The following PKD2L1 variants were observed in gnomAD, a reference collection of about 807,000 sequenced individuals.
PKD2L1 encodes the protein polycystin-2-like protein 1.
In PKD2L1, 77 loss-of-function variants were observed where a neutral mutation model predicts 93.0. The observed-to-expected ratio is 0.83, with a 90% CI of 0.69 to 1.00. PKD2L1 has a LOEUF of 1.00. PKD2L1 is among the 50% of genes least tolerant of loss of function. The pLI is 0.00. For missense variants in PKD2L1, 977 were observed against 990.9 expected, an observed-to-expected ratio of 0.99 and a Z score of 0.19; for synonymous variants, 390 against 388.0, an observed-to-expected ratio of 1.01 and a Z score of -0.06.
intron 2 of PKD2L1, among the ~76,000 whole-genome samples, chr10:100,318,927 C>A (rs1185592423): frequency 6.6e-6 from 1 of 151,014 alleles, no homozygotes; most frequent in Non-Finnish European, 1.5e-5. Flanking sequence ...CTCACTGCAA[C>A]CTCCACCTCT....
intron 2 of PKD2L1, among the ~76,000 whole-genome samples, chr10:100,314,169 A>C (rs985782880): frequency 6.6e-6 from 1 of 152,196 alleles, no homozygotes; most frequent in Non-Finnish European, 1.5e-5. Context: ...TTGGAAGGGT[A>C]TGAAATTCCT....
At chr10:100,311,952 G>A (rs990539094) in intron 2 of PKD2L1, among the ~76,000 whole-genome samples, 1 of 151,966 alleles carries the variant, frequency 6.6e-6, no homozygotes, top group Non-Finnish European at 1.5e-5. Flanking sequence ...TAGAAATCTG[G>A]GGATGTCTTC....
At chr10:100,294,755 C>T (rs1848486206) in intron 8 of PKD2L1, 100 bp from the exon 9 acceptor site, 10 of 1,515,268 alleles carry the variant, frequency 6.6e-6, no homozygotes, top group Non-Finnish European at 9.1e-6. Context: ...TCACCCCAAT[C>T]TGATAGACAC....
chr10:100,306,171 A>G (rs1216848703), intron 2 of PKD2L1, among the ~76,000 whole-genome samples: 2 of 152,194 alleles, frequency 1.3e-5, no homozygotes. Context: ...ATGGATTGCT[A>G]TAGGTTTAGG....
chr10:100,305,123 T>C (rs927833395), intron 2 of PKD2L1, among the ~76,000 whole-genome samples: 1 of 151,696 alleles, frequency 6.6e-6, no homozygotes, highest in South Asian at 2.1e-4. Context: ...TCTTTTTTTT[T>C]TTTTTTGAGA....
intron 11 of PKD2L1, among the ~76,000 whole-genome samples, chr10:100,292,697 A>G (rs1176301550): frequency 6.6e-6 from 1 of 152,150 alleles, no homozygotes; most frequent in Non-Finnish European, 1.5e-5. Flanking sequence ...TGATTAGGGA[A>G]TTATTACATT....
chr10:100,296,285 A>G lies in PKD2L1; in HGVS notation c.1193T>C (p.Ile398Thr), dbSNP rs752072057. Reference sequence around the variant, plus strand: ...GAATATGTGGAAGCCCACAGCCACAATGGAGAGCTGTCACACAGGGGTCAT... The same window carrying G: ...GAATATGTGGAAGCCCACAGCCACAGTGGAGAGCTGTCACACAGGGGTCAT... ...ILDLVVILLS[I>T]VAVGFHIFRT... The change falls in exon 7 of 16, where the codon ATT becomes ACT. Residue 398 changes from isoleucine to threonine, a missense_variant. Transcript: ENST00000318222. The G allele has an allele frequency of 1.3e-6, 2 of 1,592,052 alleles. No homozygotes were observed. The highest frequency in any genetic ancestry group is 8.5e-7 in the Non-Finnish European group (1 of 1,172,332).
At chr10:100,308,415 A>C (rs1014183808) in intron 2 of PKD2L1, among the ~76,000 whole-genome samples, 1 of 151,578 alleles carries the variant, frequency 6.6e-6, no homozygotes, top group African/African-American at 2.4e-5. Context: ...GCTCACTGCA[A>C]CCTCTGCCTC....
intron 9 of PKD2L1, 39 bp from the exon 10 acceptor site, chr10:100,293,418 AC>A: frequency 7.7e-7 from 1 of 1,303,378 alleles, no homozygotes; most frequent in Non-Finnish European, 1.1e-6. Flanking sequence ...TCACCCCCAG[AC>A]CCACTGAAAG....
intron 7 of PKD2L1, 28 bp downstream of exon 7, chr10:100,296,094 C>A (rs1295479080): frequency 6.3e-7 from 1 of 1,578,258 alleles, no homozygotes; most frequent in Admixed American, 1.9e-5. Context: ...CGCCTTGAAG[C>A]AAAGCTGGGT....
chr10:100,305,114 CT>C (rs11329633), intron 2 of PKD2L1, among the ~76,000 whole-genome samples: 64,394 of 138,858 alleles, frequency 0.46, 14,701 homozygotes, highest in East Asian at 0.58. Flanking sequence ...CTCTTCTTGT[CT>C]TTTTTTTTTT....
Position 100,296,219 on chromosome 10 carries a change from T to C in PKD2L1, c.1259A>G (p.Gln420Arg). Residue 420 changes from glutamine to arginine, a missense_variant, in exon 7 of 16, where the codon CAG becomes CGG. Transcript: ENST00000318222. Reference sequence around the variant, plus strand: ...AAAGTCTGCATACGTGTTTGGCTGCTGCAGGAGCTTCCCCATGAGCCGATT... The same window carrying C: ...AAAGTCTGCATACGTGTTTGGCTGCCGCAGGAGCTTCCCCATGAGCCGATT... Reference protein sequence around the residue: ...EVNRLMGKLLQQPNTYADFEF... With the variant: ...EVNRLMGKLLRQPNTYADFEF... The C allele has an allele frequency of 6.2e-7, 1 of 1,612,086 alleles. No individual in the cohort carries two copies. Among genetic ancestry groups the C allele is most frequent in the South Asian group, 1.1e-5 (1 of 90,650 alleles).
chr10:100,328,164 G>C (rs918021021), intron 2 of PKD2L1, among the ~76,000 whole-genome samples: 1 of 152,216 alleles, frequency 6.6e-6, no homozygotes, highest in African/African-American at 2.4e-5. Context: ...TTTGAAAGAA[G>C]TAATAAACCA....
chr10:100,303,872 G>T (rs1000351280), intron 2 of PKD2L1, among the ~76,000 whole-genome samples: 1 of 152,194 alleles, frequency 6.6e-6, no homozygotes, highest in African/African-American at 2.4e-5. Flanking sequence ...AATGAAGCAG[G>T]TTGGCTAAAT....
chr10:100,290,333 A>G, intron 13 of PKD2L1, 68 bp downstream of exon 13: 2 of 1,290,684 alleles, frequency 1.5e-6, no homozygotes, highest in Non-Finnish European at 2.2e-6. Context: ...TTGTGGGAAA[A>G]GTACAAGACA....
rs1564618710 is a variant in PKD2L1, at chr10:100,329,944, C to T, written c.160G>A (p.Glu54Lys). 1 of 1,614,098 alleles carries T rather than the reference C, an allele frequency of 6.2e-7. No homozygotes were observed. Among genetic ancestry groups the T allele is most frequent in the Non-Finnish European group, 8.5e-7 (1 of 1,179,980 alleles). ...TATGCCGTCTCCTGGGGTTCATCTT[C>T]AGGCTTCTTGGGTTGGGGCTGGAGA... ...GPLQPQPKKP[E>K]DEPQETAYRT... Residue 54 changes from glutamate to lysine, a missense_variant, in exon 1 of 16, where the codon GAA becomes AAA. By Grantham distance (56) the Glu-to-Lys change is moderately conservative (BLOSUM62 1). Coordinates refer to ENST00000318222, the MANE Select transcript of PKD2L1 (RefSeq NM_016112.3).
intron 2 of PKD2L1, among the ~76,000 whole-genome samples, chr10:100,303,693 T>A (rs1294064161): frequency 1.3e-5 from 2 of 152,222 alleles, no homozygotes; most frequent in Non-Finnish European, 2.9e-5. Context: ...CATTCCACAC[T>A]GTTAAGTCCA....
rs1318235178 is a variant in PKD2L1 at position 100,295,136 on chromosome 10, T to C, written c.1357-13A>G. The C allele has an allele frequency of 1.2e-6, 2 of 1,609,632 alleles. No homozygotes were observed. The highest frequency in any genetic ancestry group is 3.4e-5 in the Admixed American group (2 of 59,642). On this transcript the variant is annotated splice_polypyrimidine_tract_variant and intron_variant, in intron 7 of 15. Coordinates refer to ENST00000318222, the MANE Select transcript of PKD2L1 (RefSeq NM_016112.3). ...TGTACTTGAATATCTGGAAGGACCATGTTGAACCAAGGGATGAAGAAGGAA... is the reference window on the plus strand; with the variant it reads ...TGTACTTGAATATCTGGAAGGACCACGTTGAACCAAGGGATGAAGAAGGAA...
chr10:100,299,335 T>C (rs1020228381), intron 3 of PKD2L1, among the ~76,000 whole-genome samples: 4 of 152,168 alleles, frequency 2.6e-5, no homozygotes, highest in African/African-American at 9.7e-5. Flanking sequence ...TTATTTAAAA[T>C]TCGTTTTGAA....
Sources: allele counts gnomAD v4.1 joint callset (sites outside exome capture counted in the v4.1 genomes callset), GRCh38; gene constraint gnomAD v4.1.1; transcripts MANE v1.5; gene names NCBI Gene and HGNC (gene_info 2026-07-23, HGNC 2026-07-21).